Variants in PRKN observed in about 807,000 individuals in gnomAD.
PRKN encodes parkin RBR E3 ubiquitin protein ligase.
In PRKN, 56 loss-of-function variants were observed where a neutral mutation model predicts 59.5. The ratio of observed to expected loss-of-function variants is 0.94; its 90% CI spans 0.76 to 1.18. The LOEUF (loss-of-function observed/expected upper bound fraction) is 1.18. Among genes scored for constraint, PRKN ranks in the 50% most tolerant of loss-of-function variants. The pLI is 0.00. For synonymous variants in PRKN, 250 were observed against 222.1 expected (o/e 1.13, Z -1.12); for missense variants, 657 against 596.4 (o/e 1.10, Z -1.06).
chr6:162,583,506 G>A (rs1036542599), intron 1 of PRKN, among the ~76,000 whole-genome samples: 1 of 152,196 alleles, frequency 6.6e-6, no homozygotes, highest in Non-Finnish European at 1.5e-5. Context: ...CTGGTGCTGG[G>A]AGAACAGGAT....
At chr6:161,853,288 G>A (rs1192449653) in intron 6 of PRKN, among the ~76,000 whole-genome samples, 1 of 152,092 alleles carries the variant, frequency 6.6e-6, no homozygotes, top group African/African-American at 2.4e-5. Context: ...TTGTTTTAGG[G>A]GATGTAGTTT....
At chr6:162,157,322 G>A (rs2023056) in intron 4 of PRKN, among the ~76,000 whole-genome samples, 143,843 of 151,862 alleles carry the variant, frequency 0.95, 68,451 homozygotes, top group Non-Finnish European at 1. Context: ...TTCACATGTA[G>A]TGCCTTCATG....
intron 1 of PRKN, among the ~76,000 whole-genome samples, chr6:162,564,080 C>T (rs1269890510): frequency 1.3e-5 from 2 of 151,890 alleles, no homozygotes. Context: ...GGTGCGGTGG[C>T]TCATGCCTGT....
At chr6:161,834,528 A>G (rs1792658268) in intron 6 of PRKN, among the ~76,000 whole-genome samples, 1 of 152,244 alleles carries the variant, frequency 6.6e-6, no homozygotes, top group Admixed American at 6.5e-5. Flanking sequence ...CTCCGTTTGA[A>G]TAACACCATC....
At chr6:161,893,798 T>A (rs184925535) in intron 6 of PRKN, among the ~76,000 whole-genome samples, 1 of 152,314 alleles carries the variant, frequency 6.6e-6, no homozygotes, top group Admixed American at 6.5e-5. Context: ...AGGAGCTGTG[T>A]CTTTCTTATT....
chr6:162,341,904 A>T (rs975333276), intron 2 of PRKN, among the ~76,000 whole-genome samples: 7 of 114,836 alleles, frequency 6.1e-5, no homozygotes, highest in East Asian at 2.1e-4. Context: ...CTAATGTATT[A>T]AAAAAAAAAA....
intron 6 of PRKN, among the ~76,000 whole-genome samples, chr6:161,849,101 T>C (rs950359197): frequency 7.2e-5 from 11 of 152,200 alleles, no homozygotes; most frequent in African/African-American, 2.7e-4. Flanking sequence ...ATGAAGACTT[T>C]ACTTGGCATA....
At chr6:162,544,918 C>G (rs1473655389) in intron 1 of PRKN, among the ~76,000 whole-genome samples, 2 of 149,874 alleles carry the variant, frequency 1.3e-5, no homozygotes, top group African/African-American at 4.9e-5. Flanking sequence ...CTCAGGTGAT[C>G]CACCCACCTC....
intron 6 of PRKN, among the ~76,000 whole-genome samples, chr6:161,833,387 A>T (rs1226156162): frequency 6.6e-6 from 1 of 152,236 alleles, no homozygotes. Context: ...AGCTGTTTTA[A>T]GATAAGTTAG....
rs929741262 is a variant in PRKN at position 162,338,542 on chromosome 6, C to G, written c.172-75777G>C. 8.5e-5 allele frequency among the ~76,000 whole-genome samples: 13 copies of G among 152,190 alleles called. 1 individual carries two copies. Among genetic ancestry groups the G allele is most frequent in the East Asian group, 3.9e-4 (2 of 5,152 alleles). ...GTGCCGGGATTGCAGACGGAGTCTC[C>G]TTCACTCAGTGCTCAATGGTGCCCA... On this transcript the variant is annotated intron_variant, in intron 2 of 11. Coordinates refer to ENST00000366898, the MANE Select transcript of PRKN (RefSeq NM_004562.3).
chr6:162,340,176 T>A (rs1431335525), intron 2 of PRKN, among the ~76,000 whole-genome samples: 1 of 152,014 alleles, frequency 6.6e-6, no homozygotes, highest in African/African-American at 2.4e-5. Context: ...CTCTGATTTT[T>A]GCAATTTTAT....
At position 161,406,217 on chromosome 6, in the gene PRKN, C is replaced by CAT. The variant is rs10606249; in HGVS notation, c.1084-19342_1084-19341dup. Among the ~76,000 whole-genome samples the CAT allele has an allele frequency of 1.4e-3, 213 of 150,554 alleles. 2 individuals are homozygous for CAT. Among genetic ancestry groups the CAT allele is most frequent in the African/African-American group, 4.3e-3 (176 of 40,990 alleles). On this transcript the variant is annotated intron_variant, in intron 9 of 11. Transcript: ENST00000366898. Reference sequence around the variant, plus strand: ...ACATATATACATATACACATATATACATATATATATATACACACACTTGAT... The same window carrying CAT: ...ACATATATACATATACACATATATACATATATATATATATACACACACTTGAT...
At chr6:162,120,889 C>G (rs1186452055) in intron 4 of PRKN, among the ~76,000 whole-genome samples, 1 of 152,150 alleles carries the variant, frequency 6.6e-6, no homozygotes, top group Admixed American at 6.5e-5. Flanking sequence ...GGCCCATGCA[C>G]AAAGCAGTTG....
At chr6:162,550,568 C>T (rs73591891) in intron 1 of PRKN, among the ~76,000 whole-genome samples, 2,966 of 152,188 alleles carry the variant, frequency 0.019, 112 homozygotes, top group African/African-American at 0.066. Context: ...AGTCACCAGG[C>T]GAGGCTGGGC....
intron 1 of PRKN, among the ~76,000 whole-genome samples, chr6:162,527,261 AC>A (rs1778324380): frequency 6.6e-6 from 1 of 152,216 alleles, no homozygotes; most frequent in Non-Finnish European, 1.5e-5. Context: ...TCAGAGCAAG[AC>A]CGACAAGCAA....
At chr6:161,434,574 T>G (rs972432579) in intron 9 of PRKN, among the ~76,000 whole-genome samples, 1 of 152,176 alleles carries the variant, frequency 6.6e-6, no homozygotes, top group Non-Finnish European at 1.5e-5. Context: ...GCAGACCGTT[T>G]GAGAATCAAC....
chr6:162,255,142 C>T (rs1779593865), intron 3 of PRKN, among the ~76,000 whole-genome samples: 1 of 145,494 alleles, frequency 6.9e-6, no homozygotes, highest in Non-Finnish European at 1.5e-5. Flanking sequence ...ACCCTGACCC[C>T]AAAACTAGAG....
intron 8 of PRKN, among the ~76,000 whole-genome samples, chr6:161,568,738 C>T (rs1040956818): frequency 1.3e-5 from 2 of 152,016 alleles, no homozygotes; most frequent in African/African-American, 4.8e-5. Flanking sequence ...GATCAAGAAA[C>T]GTATTTTTAA....
chr6:162,227,944 A>T (rs1445777323), intron 3 of PRKN, among the ~76,000 whole-genome samples: 1 of 152,102 alleles, frequency 6.6e-6, no homozygotes, highest in African/African-American at 2.4e-5. Context: ...AAAAAAAAAA[A>T]AAAAACTTAA....
Sources: gnomAD v4.1 joint callset for allele counts (sites outside exome capture counted in the v4.1 genomes callset) on GRCh38, gnomAD v4.1.1 for gene constraint, MANE v1.5 for transcripts, NCBI Gene and HGNC (gene_info 2026-07-23, HGNC 2026-07-21) for gene names.